The following TBL1X variants were observed in gnomAD, a reference collection of about 807,000 sequenced individuals.
The protein encoded by TBL1X is F-box-like/WD repeat-containing protein TBL1X.
TBL1X carries 10 observed loss-of-function variants against 50.7 expected under a neutral mutation model. The observed-to-expected ratio is 0.20, with a 90% CI of 0.12 to 0.33. TBL1X has a LOEUF of 0.33. Ranked by LOEUF, TBL1X falls within the 10% of genes least tolerant of loss-of-function variation. The probability of loss-of-function intolerance (pLI) is 1.00; values close to 1 mark genes in which losing one functional copy is unlikely to be tolerated. For missense variants in TBL1X, 340 were observed against 504.4 expected, an observed-to-expected ratio of 0.67 and a Z score of 3.12; for synonymous variants, 190 against 214.7, an observed-to-expected ratio of 0.88 and a Z score of 1.01.
intron 1 of TBL1X, among the ~76,000 whole-genome samples, chrX:9,481,228 G>A (rs73186366): frequency 0.086 from 9,583 of 111,916 alleles, 412 homozygotes; most frequent in South Asian, 0.22. Flanking sequence ...CATGGATATC[G>A]AGCAGAACAG....
intron 2 of TBL1X, among the ~76,000 whole-genome samples, chrX:9,578,343 C>A (rs1274703349): frequency 9.0e-6 from 1 of 111,040 alleles, no homozygotes; most frequent in Non-Finnish European, 1.9e-5. Context: ...TCAAGCAGTC[C>A]CCCCACCTCA....
At chrX:9,542,711 G>A (rs1360594222) in intron 2 of TBL1X, among the ~76,000 whole-genome samples, 1 of 112,151 alleles carries the variant, frequency 8.9e-6, no homozygotes, top group East Asian at 2.8e-4. Flanking sequence ...CTGTTAGGTA[G>A]GGCTAGCAAG....
intron 1 of TBL1X, among the ~76,000 whole-genome samples, chrX:9,480,289 A>C (rs762253133): frequency 3.6e-5 from 4 of 112,011 alleles, no homozygotes; most frequent in Non-Finnish European, 7.5e-5. Context: ...GGCTATAAGA[A>C]AGCATGGGAA....
chrX:9,685,717 CTTTTTTTTT>C (rs752837096), intron 6 of TBL1X, among the ~76,000 whole-genome samples: 6 of 59,651 alleles, frequency 1.0e-4, no homozygotes, highest in Non-Finnish European at 1.4e-4. Context: ...CTTTTCTTTT[CTTTTTTTTT>C]TTTTTTTTTT....
At chrX:9,524,908 T>C (rs1169289309) in intron 2 of TBL1X, among the ~76,000 whole-genome samples, 1 of 111,625 alleles carries the variant, frequency 9.0e-6, no homozygotes, top group Middle Eastern at 4.6e-3. Flanking sequence ...CATGCCACCA[T>C]GCCCAGCTAA....
chrX:9,479,364 T>C (rs1051345792), intron 1 of TBL1X, among the ~76,000 whole-genome samples: 9 of 112,303 alleles, frequency 8.0e-5, no homozygotes, highest in African/African-American at 2.9e-4. Context: ...GAGAATCGCT[T>C]GAACCTGGGA....
chrX:9,707,506 A>G (rs954578551), intron 13 of TBL1X, among the ~76,000 whole-genome samples: 1 of 112,466 alleles, frequency 8.9e-6, no homozygotes, highest in Non-Finnish European at 1.9e-5. Flanking sequence ...ACAAAGCTCC[A>G]GCTCAGTGGG....
intron 2 of TBL1X, among the ~76,000 whole-genome samples, chrX:9,574,088 G>T (rs2082398589): frequency 9.0e-6 from 1 of 111,185 alleles, no homozygotes; most frequent in Non-Finnish European, 1.9e-5. Context: ...CAAAATGGAG[G>T]CTAAAGTGAT....
intron 2 of TBL1X, among the ~76,000 whole-genome samples, chrX:9,576,695 T>TAAAAAAAAAAAAAAAAA (rs146596930): frequency 1.4e-5 from 1 of 72,411 alleles, no homozygotes. Context: ...AGCACTACAT[T>TAAAAAAAAAAAAAAAAA]AAAAAAAAAA....
intron 5 of TBL1X, among the ~76,000 whole-genome samples, chrX:9,656,382 A>AC (rs1474618994): frequency 8.8e-6 from 1 of 113,011 alleles, no homozygotes; most frequent in Admixed American, 9.3e-5. Context: ...GGTGTGAAGG[A>AC]CCACGTGCTC....
At chrX:9,678,831 C>T (rs1010849329) in intron 5 of TBL1X, among the ~76,000 whole-genome samples, 9 of 111,597 alleles carry the variant, frequency 8.1e-5, no homozygotes, top group Admixed American at 3.8e-4. Flanking sequence ...TTGCAAGAAA[C>T]GCAATACATG....
At chrX:9,699,066 C>T (rs938655024) in intron 12 of TBL1X, among the ~76,000 whole-genome samples, 1 of 111,503 alleles carries the variant, frequency 9.0e-6, no homozygotes, top group Non-Finnish European at 1.9e-5. Context: ...TTGCAGCCTC[C>T]GCCTCCCATG....
intron 1 of TBL1X, among the ~76,000 whole-genome samples, chrX:9,500,174 G>A (rs1421498435): frequency 9.3e-6 from 1 of 107,094 alleles, no homozygotes; most frequent in Non-Finnish European, 1.9e-5. Context: ...CAACATGGGA[G>A]GCTGAAGCAG....
At position 9,651,976 on chromosome X, in the gene TBL1X, G is replaced by A. The variant is rs140409619; in HGVS notation, c.-42-1569G>A. 3.6e-4 allele frequency among the ~76,000 whole-genome samples: 40 copies of A among 112,266 alleles called. No individual in the cohort carries two copies. The East Asian group carries it at 8.4e-3, about 23-fold the overall frequency. On this transcript the variant is annotated intron_variant, in intron 3 of 17. Transcript: ENST00000645353. Reference sequence around the variant, plus strand: ...AACAACACACATTCATTCTCTCACCGTGGCTGCGGGTCACGGGTCCAGGCA... The same window carrying A: ...AACAACACACATTCATTCTCTCACCATGGCTGCGGGTCACGGGTCCAGGCA...
At chrX:9,629,982 A>G (rs2082712618) in intron 2 of TBL1X, among the ~76,000 whole-genome samples, 1 of 111,047 alleles carries the variant, frequency 9.0e-6, no homozygotes, top group South Asian at 3.9e-4. Flanking sequence ...TGGCTCTAGT[A>G]TGTCCTCATG....
At chrX:9,471,603 G>A (rs974679576) in intron 1 of TBL1X, among the ~76,000 whole-genome samples, 4 of 111,977 alleles carry the variant, frequency 3.6e-5, no homozygotes, top group African/African-American at 9.7e-5. Flanking sequence ...TAAGTTAGTT[G>A]CGCATTTTAG....
Position 9,591,784 on chromosome X carries a change from C to T in TBL1X, c.-130-48489C>T, listed in dbSNP as rs138204485. On this transcript the variant is annotated intron_variant, in intron 2 of 17. Coordinates refer to ENST00000645353, the MANE Select transcript of TBL1X (RefSeq NM_005647.4). ...TCTGGAGTCCAGAGGAGGAAGGCAT[C>T]CTTGGCTAAGAGGACAGCATGAACT... Among the ~76,000 whole-genome samples, 392 of 111,754 alleles carry T rather than the reference C, an allele frequency of 3.5e-3. 1 individual carries two copies. The highest frequency in any genetic ancestry group is 0.012 in the African/African-American group (373 of 30,759).
rs2238853 is a variant in TBL1X at position 9,543,670 on chromosome X, C to G, written c.-131+41821C>G. ...TTGTCCAAACCATGTGTGGGACTCT[C>G]TGTTGACAGTTGTTTTTAAATTGCC... On this transcript the variant is annotated intron_variant, in intron 2 of 17. Transcript: ENST00000645353. Among the ~76,000 whole-genome samples, 191 of 112,225 alleles carry G rather than the reference C, an allele frequency of 1.7e-3. 5 individuals are homozygous for G. In the East Asian group the frequency reaches 0.049, roughly 29 times the overall value.
chrX:9,666,566 A>G (rs1341203239), intron 5 of TBL1X, among the ~76,000 whole-genome samples: 2 of 112,293 alleles, frequency 1.8e-5, no homozygotes, highest in African/African-American at 6.5e-5. Context: ...TTTGGTCTAA[A>G]TTAGGCAGGT....
Sources: gnomAD v4.1 joint callset for allele counts (sites outside exome capture counted in the v4.1 genomes callset) on GRCh38, gnomAD v4.1.1 for gene constraint, MANE v1.5 for transcripts, NCBI Gene and HGNC (gene_info 2026-07-23, HGNC 2026-07-21) for gene names.